The following METTL4 variants were observed in gnomAD, a reference collection of about 807,000 sequenced individuals.
The protein encoded by METTL4 is N(6)-adenine-specific methyltransferase METTL4.
A neutral mutation model predicts 54.0 loss-of-function variants in METTL4; 40 were observed. That is an observed-to-expected ratio of 0.74 (90% CI 0.58 to 0.96). The LOEUF (loss-of-function observed/expected upper bound fraction) is 0.96. METTL4 is among the 50% of genes least tolerant of loss of function. The probability of loss-of-function intolerance (pLI) is 0.00; values close to 1 mark genes in which losing one functional copy is unlikely to be tolerated. For synonymous variants in METTL4, 169 were observed against 183.8 expected (o/e 0.92, Z 0.65); for missense variants, 525 against 549.0 (o/e 0.96, Z 0.44).
At chr18:2,540,904 T>A (rs1204940361) in intron 8 of METTL4, 1 of 985,318 alleles carries the variant, frequency 1.0e-6, no homozygotes, top group African/African-American at 1.7e-5. Context: ...TCAAAAATGT[T>A]TCCTCTTCTG....
chr18:2,539,920 G>C (rs2071970201), intron 8 of METTL4: 18 of 959,670 alleles, frequency 1.9e-5, no homozygotes, highest in Non-Finnish European at 2.2e-5. Flanking sequence ...TGAAGAGCTG[G>C]ATAGAGATAG....
At chr18:2,561,985 C>T (rs1210604056) in intron 3 of METTL4, 1 of 152,108 alleles carries the variant, frequency 6.6e-6, no homozygotes, top group Non-Finnish European at 1.5e-5. Context: ...TTTGTGTATT[C>T]AGCTGTCTTC....
In METTL4 at chr18:2,566,832, T is replaced by C. The variant is rs977013180; in HGVS notation, c.385A>G (p.Ile129Val). Residue 129 changes from isoleucine (I) to valine (V), a missense_variant, in exon 2 of 9, where the codon ATT (isoleucine) becomes GTT (valine). Transcript: ENST00000574538. Reference protein sequence around the residue: ...NGVKKEISISIIGKKRKRCVV... With the variant: ...NGVKKEISISVIGKKRKRCVV... ...TTAAAACTTTCTACCTTCCCAATAA[T>C]AGAAATGGAGATTTCTTTTTTAACA... 1.9e-6 allele frequency: 3 copies of C among 1,561,254 alleles called. No individual in the cohort carries two copies. The East Asian group carries it at 6.8e-5, about 35-fold the overall frequency.
At chr18:2,560,071 T>C (rs1374808545) in intron 3 of METTL4, among the ~76,000 whole-genome samples, 1 of 152,072 alleles carries the variant, frequency 6.6e-6, no homozygotes, top group African/African-American at 2.4e-5. Flanking sequence ...AAATAAAACT[T>C]GTGAAAACTG....
chr18:2,552,177 G>A lies in METTL4; in HGVS notation c.899+518C>T, dbSNP rs142576801. Among the ~76,000 whole-genome samples, 460 of 138,204 alleles carry A rather than the reference G, an allele frequency of 3.3e-3. 4 individuals are homozygous for A. The highest frequency in any genetic ancestry group is 0.013 in the African/African-American group (436 of 32,832). The allele number at this position is 138,204 out of a possible 152,430, so 90.7% of individuals were successfully genotyped here. A position where few individuals can be genotyped will look rare whatever the true frequency, so the allele number is the denominator to read the frequency against. The stretch of plus-strand genomic sequence containing the variant: ...CACTGCACTCCAGCCTGGTAACGGA[G>A]TGAGACTCCATCTCAAAATAAAATA... On this transcript the variant is annotated intron_variant, in intron 5 of 8. Coordinates refer to ENST00000574538, the MANE Select transcript of METTL4 (RefSeq NM_022840.5).
chr18:2,551,895 T>C (rs1473074733), intron 5 of METTL4, among the ~76,000 whole-genome samples: 3 of 151,934 alleles, frequency 2.0e-5, no homozygotes, highest in African/African-American at 4.8e-5. Context: ...AAGACATTCA[T>C]TAGAATTGAA....
At chr18:2,543,457 T>C (rs2072024628) in intron 8 of METTL4, among the ~76,000 whole-genome samples, 3 of 152,208 alleles carry the variant, frequency 2.0e-5, no homozygotes, top group Admixed American at 2.0e-4. Context: ...TTAGCATTCA[T>C]TGAGCTTCTA....
rs749991378 is a variant in METTL4, at chr18:2,547,422, CGTAGGTGCTTCT to C, written c.995_1006del (p.Gln332_Leu335del). The C allele has an allele frequency of 6.2e-7, 1 of 1,611,592 alleles. No individual in the cohort carries two copies. The highest frequency in any genetic ancestry group is 8.5e-7 in the Non-Finnish European group (1 of 1,178,808). On this transcript the variant is annotated inframe_deletion, in exon 6 of 9. Coordinates refer to ENST00000574538, the MANE Select transcript of METTL4 (RefSeq NM_022840.5). ...GGGATAAAGTTCTTCCTTTATAAAA[CGTAGGTGCTTCT>C]GTCTATTGGTCACCCAAGTAACAAG...
intron 4 of METTL4, 169 bp from the exon 5 acceptor site, chr18:2,552,933 T>C (rs2072185010): frequency 5.4e-6 from 3 of 560,390 alleles, no homozygotes; most frequent in Non-Finnish European, 9.5e-6. Context: ...TATCATTAAA[T>C]ATTAGATGTT....
chr18:2,570,915 ATC>A (rs1438466308), intron 1 of METTL4, among the ~76,000 whole-genome samples: 1 of 152,118 alleles, frequency 6.6e-6, no homozygotes, highest in Non-Finnish European at 1.5e-5. Flanking sequence ...TAGCAAAGTG[ATC>A]TACTGTTACT....
intron 4 of METTL4, 63 bp from the exon 5 acceptor site, chr18:2,552,827 A>C: frequency 1.8e-6 from 2 of 1,081,900 alleles, no homozygotes; most frequent in Non-Finnish European, 2.8e-6. Flanking sequence ...AAAACTAAAC[A>C]TGTTCTTCAA....
rs748930517 is a variant in METTL4, at chr18:2,554,997, C to T, written c.501G>A (p.Gln167=). 21 of 1,613,850 alleles carry T rather than the reference C, an allele frequency of 1.3e-5. No homozygotes were observed. The highest frequency in any genetic ancestry group is 3.3e-4 in the Middle Eastern group (2 of 6,080). ...LILDGSLQLI[Q]EGLKSGFLYP... ...AAAGAAAACCACTTTTGAGACCTTCCTGGATCAACTGTAAAGATCCATCCA... is the reference window on the plus strand; with the variant it reads ...AAAGAAAACCACTTTTGAGACCTTCTTGGATCAACTGTAAAGATCCATCCA... Residue 167 remains glutamine, a synonymous_variant, in exon 4 of 9, where the codon CAG becomes CAA. Coordinates refer to ENST00000574538, the MANE Select transcript of METTL4 (RefSeq NM_022840.5).
At chr18:2,542,385 T>G (rs971480488) in intron 8 of METTL4, among the ~76,000 whole-genome samples, 1 of 125,134 alleles carries the variant, frequency 8.0e-6, no homozygotes, top group African/African-American at 3.1e-5. Flanking sequence ...GTCCCCAGAG[T>G]GTGATGTTCC....
rs2072182124 is a variant in METTL4, at chr18:2,552,762, T to C, written c.832A>G (p.Arg278Gly). 19 of 1,603,104 alleles carry C rather than the reference T, an allele frequency of 1.2e-5. No individual in the cohort carries two copies. In the East Asian group the frequency reaches 4.3e-4, roughly 36 times the overall value. ...ISCMQPLLNY[R>G]KTFDVIVIDP... ...ATCACAATTACATCAAATGTTTTCC[T>C]ATCTGAAAACAAAGATACAATTTCA... Residue 278 changes from arginine to glycine, a missense_variant and splice_region_variant, in exon 5 of 9, where the codon AGG becomes GGG. By Grantham distance (125) the Arg-to-Gly change is moderately radical (BLOSUM62 -2). Coordinates refer to ENST00000574538, the MANE Select transcript of METTL4 (RefSeq NM_022840.5).
At chr18:2,569,387 C>T (rs1287735832) in intron 1 of METTL4, among the ~76,000 whole-genome samples, 1 of 152,192 alleles carries the variant, frequency 6.6e-6, no homozygotes, top group East Asian at 1.9e-4. Flanking sequence ...CCCATCATAA[C>T]TGGTGGGGTA....
chr18:2,544,468 T>G (rs1256302521), intron 7 of METTL4, among the ~76,000 whole-genome samples, 182 bp from the exon 8 acceptor site: 2 of 151,934 alleles, frequency 1.3e-5, no homozygotes, highest in African/African-American at 2.4e-5. Context: ...TCTATAATAA[T>G]GACAATTACA....
rs2071948085 is a variant in METTL4 at position 2,538,823 on chromosome 18, T to G, written c.*177A>C. 3 of 615,356 alleles carry G rather than the reference T, an allele frequency of 4.9e-6. No individual in the cohort carries two copies. The highest frequency in any genetic ancestry group is 8.3e-6 in the Non-Finnish European group (3 of 361,046). 38.1% of individuals were successfully genotyped at this position (615,356 alleles called of 1,614,324 possible). On this transcript the variant is annotated 3_prime_UTR_variant, in exon 9 of 9. Coordinates refer to ENST00000574538, the MANE Select transcript of METTL4 (RefSeq NM_022840.5). ...ACATAGAATGTTAGTGCAACTCAAG[T>G]AAAATTCATCTTAAAATTACATGAA...
At chr18:2,543,255 T>C (rs2072021476) in intron 8 of METTL4, among the ~76,000 whole-genome samples, 1 of 152,220 alleles carries the variant, frequency 6.6e-6, no homozygotes, top group African/African-American at 2.4e-5. Flanking sequence ...CTGCCTCATA[T>C]TCTGCAAGGT....
chr18:2,544,658 T>C lies in METTL4; in HGVS notation c.1176A>G (p.Pro392=), dbSNP rs1189619181. Residue 392 remains proline, a synonymous_variant, in exon 7 of 9, where the codon CCA becomes CCG. Coordinates refer to ENST00000574538, the MANE Select transcript of METTL4 (RefSeq NM_022840.5). The part of the protein sequence containing the change: ...LGRVQEKTAL[P]LRNADVNVLP... Reference sequence around the variant, plus strand: ...TGAAAAATCACCTTTCCTACCTCAATGGTAGAGCAGTTTTTTCTTGAACCC... The same window carrying C: ...TGAAAAATCACCTTTCCTACCTCAACGGTAGAGCAGTTTTTTCTTGAACCC... The C allele has an allele frequency of 6.3e-7, 1 of 1,599,858 alleles. No homozygotes were observed. Among genetic ancestry groups the C allele is most frequent in the Non-Finnish European group, 8.5e-7 (1 of 1,170,244 alleles).
Sources: allele counts gnomAD v4.1 joint callset (sites outside exome capture counted in the v4.1 genomes callset), GRCh38; gene constraint gnomAD v4.1.1; transcripts MANE v1.5; gene names NCBI Gene and HGNC (gene_info 2026-07-23, HGNC 2026-07-21).